Variants in COPA observed in about 807,000 individuals in gnomAD.
The protein encoded by COPA is coatomer subunit alpha.
A neutral mutation model predicts 158.7 loss-of-function variants in COPA; 10 were observed. That is an observed-to-expected ratio of 0.06 (90% CI 0.04 to 0.11). The LOEUF (loss-of-function observed/expected upper bound fraction) is 0.11. Among genes scored for constraint, COPA ranks in the 10% least tolerant of loss-of-function variants. COPA has a pLI of 1.00. For missense variants in COPA, 1,065 were observed against 1,536.7 expected, an observed-to-expected ratio of 0.69 and a Z score of 5.13; for synonymous variants, 462 against 542.8, an observed-to-expected ratio of 0.85 and a Z score of 2.07.
At chr1:160,331,636 G>A (rs1196448081) in intron 6 of COPA, among the ~76,000 whole-genome samples, 3 of 138,920 alleles carry the variant, frequency 2.2e-5, no homozygotes, top group Non-Finnish European at 3.0e-5. Flanking sequence ...GAGACAGAGT[G>A]AGACTCCATC....
Position 160,335,243 on chromosome 1 carries a change from T to C in COPA, c.308A>G (p.His103Arg). ...LDYIRTTFFH[H>R]EYPWILSASD... ...ACTAGCGCCACCATGACTACTTACATGATGAAAAAACGTGGTGCGAATATA... is the reference window on the plus strand; with the variant it reads ...ACTAGCGCCACCATGACTACTTACACGATGAAAAAACGTGGTGCGAATATA... Residue 103 changes from histidine to arginine, a missense_variant and splice_region_variant, in exon 4 of 33, where the codon CAT becomes CGT. His to Arg is a conservative substitution (Grantham distance 29). This residue lies in a region of COPA where 85 missense variants were observed against 178.9 expected (regional missense o/e 0.48). Coordinates refer to ENST00000241704, the MANE Select transcript of COPA (RefSeq NM_004371.4). 1 of 1,609,064 alleles carries C rather than the reference T, an allele frequency of 6.2e-7. No individual in the cohort carries two copies. The highest frequency in any genetic ancestry group is 1.1e-5 in the South Asian group (1 of 89,946).
At chr1:160,315,283 G>A (rs1252868395) in intron 8 of COPA, among the ~76,000 whole-genome samples, 1 of 152,190 alleles carries the variant, frequency 6.6e-6, no homozygotes, top group African/African-American at 2.4e-5. Flanking sequence ...CCCATGGGAA[G>A]CATCACGACT....
At chr1:160,293,086 T>C in intron 27 of COPA, 80 bp downstream of exon 27, 1 of 1,376,700 alleles carries the variant, frequency 7.3e-7, no homozygotes, top group Admixed American at 1.9e-5. Flanking sequence ...TAGGATAATT[T>C]CCCTTGATTA....
chr1:160,322,852 T>C (rs1399746757), intron 8 of COPA, among the ~76,000 whole-genome samples: 2 of 152,070 alleles, frequency 1.3e-5, no homozygotes. Context: ...TATATCCAAA[T>C]AAAGGAAATA....
chr1:160,293,467 G>A lies in COPA; in HGVS notation c.2677-4C>T, dbSNP rs1658307703. On this transcript the variant is annotated splice_polypyrimidine_tract_variant and splice_region_variant and intron_variant, in intron 25 of 32. Transcript: ENST00000241704. ...CAGCTGCCCCAGGGGATATATCCTA[G>A]GGGAAAAACAAAAATTGAGTATTGA... 6.4e-7 allele frequency: 1 copy of A among 1,571,812 alleles called. No individual in the cohort carries two copies. Among genetic ancestry groups the A allele is most frequent in the African/African-American group, 1.4e-5 (1 of 72,000 alleles).
In COPA at chr1:160,328,662, A is replaced by C. The variant is rs1191244506; in HGVS notation, c.497-3010T>G. On this transcript the variant is annotated intron_variant, in intron 6 of 32. Coordinates refer to ENST00000241704, the MANE Select transcript of COPA (RefSeq NM_004371.4). ...TTTTCAGAGACTGAGCCTGAATTAC[A>C]TGGGCTTGACATGCAAAGGTATAAG... is the stretch of plus-strand genomic sequence containing the variant. Among the ~76,000 whole-genome samples, 3 of 152,238 alleles carry C rather than the reference A, an allele frequency of 2.0e-5. No homozygotes were observed. The East Asian group carries it at 5.8e-4, about 29-fold the overall frequency.
At position 160,299,268 on chromosome 1, in the gene COPA, A is replaced by T; in HGVS notation, c.1668-4T>A. On this transcript the variant is annotated splice_region_variant and splice_polypyrimidine_tract_variant and intron_variant, in intron 17 of 32. Transcript: ENST00000241704. ...AGTTCGAATGATCCCGTGGTCCCTA[A>T]GAACAGAGGGCACAGCTTTCAGTAA... 2 of 1,606,202 alleles carry T rather than the reference A, an allele frequency of 1.2e-6. No homozygotes were observed. Among genetic ancestry groups the T allele is most frequent in the South Asian group, 2.2e-5 (2 of 90,850 alleles).
chr1:160,329,987 C>T (rs150531514), intron 6 of COPA, among the ~76,000 whole-genome samples: 5 of 152,046 alleles, frequency 3.3e-5, no homozygotes, highest in African/African-American at 1.2e-4. Context: ...TGGTGGCATG[C>T]CCTTGTAGTC....
chr1:160,292,629 G>C lies in COPA; in HGVS notation c.2824-9C>G. On this transcript the variant is annotated splice_polypyrimidine_tract_variant and intron_variant, in intron 27 of 32. Coordinates refer to ENST00000241704, the MANE Select transcript of COPA (RefSeq NM_004371.4). ...ACTTGGTCATGAAGGAGCTGGAACA[G>C]AAGGAAAGAAACAAGGATTTTGGCC... is the stretch of plus-strand genomic sequence containing the variant. 2 of 1,573,704 alleles carry C rather than the reference G, an allele frequency of 1.3e-6. No individual in the cohort carries two copies. The highest frequency in any genetic ancestry group is 1.7e-6 in the Non-Finnish European group (2 of 1,163,368).
intron 6 of COPA, among the ~76,000 whole-genome samples, chr1:160,329,343 G>A (rs998286172): frequency 2.0e-5 from 3 of 152,128 alleles, no homozygotes; most frequent in African/African-American, 4.8e-5. Context: ...TATAGCAATT[G>A]CAAGGTTATT....
rs371266848 is a variant in COPA, at chr1:160,293,362, C to T, written c.2754+24G>A. On this transcript the variant is annotated intron_variant, in intron 26 of 32. Coordinates refer to ENST00000241704, the MANE Select transcript of COPA (RefSeq NM_004371.4). Reference sequence around the variant, plus strand: ...TCAAGTATTAGCCACTCATCCCTGCCGTGCTAGGTTTCTTCCCGCTTACCT... The same window carrying T: ...TCAAGTATTAGCCACTCATCCCTGCTGTGCTAGGTTTCTTCCCGCTTACCT... 2.1e-4 allele frequency: 346 copies of T among 1,613,200 alleles called. 2 individuals carry two copies. In the African/African-American group the frequency reaches 4.1e-3, roughly 19 times the overall value.
chr1:160,329,811 G>A (rs1647418706), intron 6 of COPA, among the ~76,000 whole-genome samples: 1 of 152,162 alleles, frequency 6.6e-6, no homozygotes, highest in Admixed American at 6.5e-5. Context: ...GGTTGACAAA[G>A]GATATTCTGA....
rs772355435 is a variant in COPA at position 160,314,071 on chromosome 1, C to A, written c.761G>T (p.Cys254Phe). ...TCRGHYNNVS[C>F]AVFHPRQELI... ...CTCTTGGCGAGGGTGGAAGACGGCACAAGATACATTGTTGTAATGGCCCCG... is the reference window on the plus strand; with the variant it reads ...CTCTTGGCGAGGGTGGAAGACGGCAAAAGATACATTGTTGTAATGGCCCCG... Residue 254 changes from cysteine to phenylalanine, a missense_variant, in exon 9 of 33, where the codon TGT becomes TTT. Cys to Phe is a radical substitution (Grantham distance 205). Transcript: ENST00000241704. 1.2e-6 allele frequency: 2 copies of A among 1,612,652 alleles called. No homozygotes were observed. Among genetic ancestry groups the A allele is most frequent in the South Asian group, 2.2e-5 (2 of 90,930 alleles).
chr1:160,300,531 A>G (rs974939608), intron 17 of COPA, among the ~76,000 whole-genome samples: 5 of 152,272 alleles, frequency 3.3e-5, no homozygotes, highest in African/African-American at 1.2e-4. Context: ...CTATGTCCAT[A>G]TGACTTCAAG....
Position 160,293,239 on chromosome 1 carries a change from C to T in COPA, c.2755-5G>A, listed in dbSNP as rs1373127865. On this transcript the variant is annotated splice_region_variant and splice_polypyrimidine_tract_variant and intron_variant, in intron 26 of 32. Transcript: ENST00000241704. The stretch of plus-strand genomic sequence containing the variant: ...CTGAGAGTTATTACACCAGATCTAA[C>T]AAGAAACAAAAAAACCCAAGCCAAG... 5 of 1,614,086 alleles carry T rather than the reference C, an allele frequency of 3.1e-6. No individual in the cohort carries two copies. The highest frequency in any genetic ancestry group is 3.4e-6 in the Non-Finnish European group (4 of 1,180,002).
Position 160,293,246 on chromosome 1 carries a change from CAAAA to C in COPA, c.2755-16_2755-13del. ...TTATTACACCAGATCTAACAAGAAA[CAAAA>C]AAACCCAAGCCAAGTGAAACTTTGT... On this transcript the variant is annotated splice_polypyrimidine_tract_variant and intron_variant, in intron 26 of 32. Coordinates refer to ENST00000241704, the MANE Select transcript of COPA (RefSeq NM_004371.4). 2 of 1,613,744 alleles carry C rather than the reference CAAAA, an allele frequency of 1.2e-6. No homozygotes were observed. Among genetic ancestry groups the C allele is most frequent in the Non-Finnish European group, 1.7e-6 (2 of 1,179,922 alleles).
At chr1:160,309,241 T>C in intron 12 of COPA, 65 bp from the exon 13 acceptor site, 1 of 1,237,848 alleles carries the variant, frequency 8.1e-7, no homozygotes, top group Middle Eastern at 2.2e-4. Context: ...TTTTCCAATT[T>C]ACTCTGACAG....
At position 160,308,179 on chromosome 1, in the gene COPA, G is replaced by GA. The variant is rs950192247; in HGVS notation, c.1219+921dup. 3.8e-3 allele frequency among the ~76,000 whole-genome samples: 181 copies of GA among 48,158 alleles called. 2 individuals are homozygous for GA. The Middle Eastern group carries it at 0.042, about 11-fold the overall frequency. 31.6% of individuals were successfully genotyped at this position (48,158 alleles called of 152,430 possible). ...TCTATTAATTGTAAACACAGATGGG[G>GA]AAAAAAAAAAGCAAAGAGCTAGTTG... On this transcript the variant is annotated intron_variant, in intron 13 of 32. Transcript: ENST00000241704.
rs2101836771 is a variant in COPA, at chr1:160,305,708, A to G, written c.1508T>C (p.Val503Ala). 2 of 1,614,178 alleles carry G rather than the reference A, an allele frequency of 1.2e-6. No individual in the cohort carries two copies. Among genetic ancestry groups the G allele is most frequent in the South Asian group, 1.1e-5 (1 of 91,080 alleles). Residue 503 changes from valine to alanine, a missense_variant, in exon 16 of 33, where the codon GTA becomes GCA. Around this residue, in one of 2 missense-constraint regions of COPA, gnomAD observed 980 missense variants for 1,357.8 expected, o/e 0.72. Transcript: ENST00000241704. ...YVIWSADMSH[V>A]ALLAKHAIVI... ...CTCACCGTGTTTGGCTAGTAGTGCT[A>G]CATGTGACATGTCTGCTGACCAGAT...
Sources: gnomAD v4.1 joint callset for allele counts (sites outside exome capture counted in the v4.1 genomes callset) on GRCh38, gnomAD v4.1.1 for gene constraint, gnomAD v4.1.1 regional missense constraint, MANE v1.5 for transcripts, NCBI Gene and HGNC (gene_info 2026-07-23, HGNC 2026-07-21) for gene names.